SUPT3H: variants seen among roughly 807,000 people sequenced by gnomAD.
The protein encoded by SUPT3H is transcription initiation protein SPT3 homolog.
Under a neutral mutation model 44.3 loss-of-function variants are expected in SUPT3H, and 44 were observed. The observed-to-expected ratio is 0.99, with a 90% CI of 0.78 to 1.28. The LOEUF is 1.28. Among genes scored for constraint, SUPT3H ranks in the 50% most tolerant of loss-of-function variants. The pLI, the probability that SUPT3H is intolerant of heterozygous loss-of-function variation, is 0.00. For synonymous variants in SUPT3H, 124 were observed against 125.6 expected, an observed-to-expected ratio of 0.99 and a Z score of 0.09; for missense variants, 380 against 387.1, an observed-to-expected ratio of 0.98 and a Z score of 0.15.
At chr6:44,978,082 C>T (rs1318439001) in intron 6 of SUPT3H, among the ~76,000 whole-genome samples, 1 of 152,032 alleles carries the variant, frequency 6.6e-6, no homozygotes, top group East Asian at 1.9e-4. Context: ...ATTACATATT[C>T]CACTAACTTG....
intron 2 of SUPT3H, among the ~76,000 whole-genome samples, chr6:45,339,514 T>C (rs1789319484): frequency 6.6e-6 from 1 of 152,154 alleles, no homozygotes; most frequent in Non-Finnish European, 1.5e-5. Context: ...CTTCCTTTTC[T>C]TCCAATAGAG....
intron 6 of SUPT3H, among the ~76,000 whole-genome samples, chr6:44,988,182 A>C (rs1310025762): frequency 1.3e-5 from 2 of 152,026 alleles, no homozygotes; most frequent in Non-Finnish European, 2.9e-5. Flanking sequence ...GTGGTCAAAA[A>C]AAATTTCGGA....
chr6:45,153,934 C>T (rs1199435325), intron 2 of SUPT3H, among the ~76,000 whole-genome samples: 2 of 151,716 alleles, frequency 1.3e-5, no homozygotes, highest in Non-Finnish European at 2.9e-5. Context: ...GCCAGGCGTG[C>T]TAGTGCATGC....
intron 2 of SUPT3H, among the ~76,000 whole-genome samples, chr6:45,120,059 T>C (rs1301580748): frequency 6.6e-6 from 1 of 152,084 alleles, no homozygotes; most frequent in East Asian, 1.9e-4. Context: ...ACTATTACTA[T>C]TGCTACTTCA....
intron 4 of SUPT3H, among the ~76,000 whole-genome samples, chr6:45,016,087 G>T (rs1784223555): frequency 6.6e-6 from 1 of 151,912 alleles, no homozygotes; most frequent in Non-Finnish European, 1.5e-5. Context: ...CAAGTATTAT[G>T]TACTATACAT....
At chr6:45,009,773 T>C (rs1274565831) in intron 5 of SUPT3H, among the ~76,000 whole-genome samples, 4 of 152,168 alleles carry the variant, frequency 2.6e-5, no homozygotes, top group African/African-American at 7.2e-5. Flanking sequence ...TTTGTTAAGA[T>C]TGTTCTAGGT....
At chr6:45,328,667 G>A in intron 2 of SUPT3H, 1 of 1,611,272 alleles carries the variant, frequency 6.2e-7, no homozygotes, top group Admixed American at 1.7e-5. Flanking sequence ...TCAGTTTAAG[G>A]CTGCAAGCAG....
chr6:45,364,732 AAC>A (rs1271986216), intron 2 of SUPT3H, among the ~76,000 whole-genome samples: 7 of 152,322 alleles, frequency 4.6e-5, no homozygotes, highest in East Asian at 1.9e-4. Context: ...AATGCTCTGA[AAC>A]ACAGTGATTT....
chr6:45,050,000 T>C (rs942601412), intron 3 of SUPT3H, among the ~76,000 whole-genome samples: 1 of 152,160 alleles, frequency 6.6e-6, no homozygotes, highest in Admixed American at 6.5e-5. Context: ...CAGCAGAATG[T>C]TCTGGGGAAA....
At chr6:44,955,646 T>C (rs1172857483) in intron 7 of SUPT3H, 1 of 152,114 alleles carries the variant, frequency 6.6e-6, no homozygotes, top group African/African-American at 2.4e-5. Context: ...AAATATCCTA[T>C]ACTCTCACTT....
At chr6:45,064,371 A>C (rs1293611068) in intron 3 of SUPT3H, among the ~76,000 whole-genome samples, 27 of 146,284 alleles carry the variant, frequency 1.8e-4, no homozygotes, top group Non-Finnish European at 3.3e-4. Context: ...AAATGTAAAG[A>C]CCATCGAGAC....
At position 45,179,291 on chromosome 6, in the gene SUPT3H, T is replaced by C. The variant is rs555809878; in HGVS notation, c.102-73285A>G. Among the ~76,000 whole-genome samples the C allele has an allele frequency of 3.1e-3, 472 of 152,162 alleles. 1 individual carries two copies. The highest frequency in any genetic ancestry group is 9.8e-3 in the African/African-American group (408 of 41,520). ...CAGATGGATTCACAGCCGAATTCTATCAGAGGTACAAGGAGGAACTGGTAC... is the reference window on the plus strand; with the variant it reads ...CAGATGGATTCACAGCCGAATTCTACCAGAGGTACAAGGAGGAACTGGTAC... On this transcript the variant is annotated intron_variant, in intron 2 of 10. Coordinates refer to ENST00000371459, the MANE Select transcript of SUPT3H (RefSeq NM_003599.4).
intron 3 of SUPT3H, among the ~76,000 whole-genome samples, chr6:45,062,732 C>T (rs895188609): frequency 1.3e-5 from 2 of 152,060 alleles, no homozygotes; most frequent in Non-Finnish European, 2.9e-5. Context: ...CACTCCCACC[C>T]GAATATTGCG....
intron 1 of SUPT3H, among the ~76,000 whole-genome samples, chr6:45,370,126 G>C (rs1040444623): frequency 6.6e-6 from 1 of 152,220 alleles, no homozygotes; most frequent in Non-Finnish European, 1.5e-5. Context: ...ATACTATATG[G>C]AAGCAAGAGT....
intron 3 of SUPT3H, among the ~76,000 whole-genome samples, chr6:45,099,684 C>T (rs1189676465): frequency 6.6e-6 from 1 of 151,968 alleles, no homozygotes; most frequent in Non-Finnish European, 1.5e-5. Context: ...TCGCTATAAC[C>T]AGAGCTATAC....
intron 3 of SUPT3H, among the ~76,000 whole-genome samples, chr6:45,072,049 G>A (rs56337964): frequency 0.22 from 33,231 of 152,098 alleles, 4,455 homozygotes; most frequent in Non-Finnish European, 0.31. Context: ...ACTACGTCCA[G>A]TCAAGTGATT....
At chr6:45,032,568 C>T (rs191677970) in intron 3 of SUPT3H, among the ~76,000 whole-genome samples, 1 of 152,276 alleles carries the variant, frequency 6.6e-6, no homozygotes, top group East Asian at 1.9e-4. Context: ...AAACCAAAAT[C>T]AGGATATTCC....
At chr6:45,263,374 C>T (rs1432393577) in intron 2 of SUPT3H, among the ~76,000 whole-genome samples, 1 of 152,076 alleles carries the variant, frequency 6.6e-6, no homozygotes, top group Non-Finnish European at 1.5e-5. Context: ...AGCAAATTAA[C>T]AAAGGAACAG....
chr6:44,988,381 A>T (rs1305964994), intron 6 of SUPT3H, among the ~76,000 whole-genome samples: 2 of 151,712 alleles, frequency 1.3e-5, no homozygotes, highest in Non-Finnish European at 2.9e-5. Context: ...AACAACTAAA[A>T]TACCTAATAA....
Sources: gnomAD v4.1 joint callset for allele counts (sites outside exome capture counted in the v4.1 genomes callset) on GRCh38, gnomAD v4.1.1 for gene constraint, MANE v1.5 for transcripts, NCBI Gene and HGNC (gene_info 2026-07-23, HGNC 2026-07-21) for gene names.